Variants in SLC4A7 observed in about 807,000 individuals in gnomAD.
SLC4A7 encodes sodium bicarbonate cotransporter 3.
Under a neutral mutation model 137.6 loss-of-function variants are expected in SLC4A7, and 51 were observed. The observed-to-expected ratio is 0.37, with a 90% CI of 0.30 to 0.47. SLC4A7 has a LOEUF of 0.47. Among genes scored for constraint, SLC4A7 ranks in the 20% least tolerant of loss-of-function variants. The pLI, the probability that SLC4A7 is intolerant of heterozygous loss-of-function variation, is 1.00. For missense variants in SLC4A7, 1,247 were observed against 1,525.4 expected (o/e 0.82, Z 3.04); for synonymous variants, 542 against 518.6 (o/e 1.05, Z -0.61).
At chr3:27,447,791 TAACA>T (rs1239737535) in intron 3 of SLC4A7, among the ~76,000 whole-genome samples, 4 of 151,960 alleles carry the variant, frequency 2.6e-5, no homozygotes, top group Non-Finnish European at 4.4e-5. Context: ...TGCTTTCAAG[TAACA>T]AACAAAAAAA....
intron 11 of SLC4A7, among the ~76,000 whole-genome samples, chr3:27,416,617 T>G (rs2054409620): frequency 6.6e-6 from 1 of 152,202 alleles, no homozygotes; most frequent in African/African-American, 2.4e-5. Context: ...CAATGTTTAT[T>G]GAAAAACTCC....
At chr3:27,478,528 A>C (rs886624724) in intron 1 of SLC4A7, among the ~76,000 whole-genome samples, 12 of 151,844 alleles carry the variant, frequency 7.9e-5, no homozygotes, top group African/African-American at 2.9e-4. Flanking sequence ...AAAAAAAAAA[A>C]AACCCAACAA....
intron 3 of SLC4A7, among the ~76,000 whole-genome samples, chr3:27,445,142 G>A (rs1162298954): frequency 1.3e-5 from 2 of 152,174 alleles, no homozygotes; most frequent in African/African-American, 4.8e-5. Context: ...AGTACAGAAA[G>A]TGCTTAGCCT....
chr3:27,482,098 G>A (rs1439456837), intron 1 of SLC4A7, among the ~76,000 whole-genome samples: 1 of 152,084 alleles, frequency 6.6e-6, no homozygotes, highest in East Asian at 1.9e-4. Flanking sequence ...AGGCCATTGC[G>A]CTCCAGCCTG....
intron 22 of SLC4A7, among the ~76,000 whole-genome samples, chr3:27,386,473 C>T (rs1056360483): frequency 5.3e-5 from 8 of 152,194 alleles, no homozygotes; most frequent in Non-Finnish European, 1.0e-4. Context: ...CTTTAATTTG[C>T]TTTAACTGCT....
chr3:27,413,380 C>T (rs1240673826), intron 11 of SLC4A7, among the ~76,000 whole-genome samples: 1 of 152,158 alleles, frequency 6.6e-6, no homozygotes, highest in African/African-American at 2.4e-5. Context: ...CCATTTAAAA[C>T]TGTTTAACAA....
intron 17 of SLC4A7, 70 bp downstream of exon 17, chr3:27,398,122 G>C: frequency 8.9e-7 from 1 of 1,122,444 alleles, no homozygotes; most frequent in Non-Finnish European, 1.3e-6. Flanking sequence ...TTACTGTTTT[G>C]AAATAAACCA....
intron 7 of SLC4A7, among the ~76,000 whole-genome samples, chr3:27,428,888 T>G (rs190061815): frequency 6.6e-6 from 1 of 152,308 alleles, no homozygotes; most frequent in Admixed American, 6.5e-5. Context: ...AATATATTTA[T>G]TTTATATTAG....
At chr3:27,441,949 G>A (rs971823185) in intron 3 of SLC4A7, among the ~76,000 whole-genome samples, 9 of 151,414 alleles carry the variant, frequency 5.9e-5, no homozygotes, top group African/African-American at 2.2e-4. Flanking sequence ...AGGCTGGAGT[G>A]CAGTGACACG....
At chr3:27,478,751 G>A (rs2059579265) in intron 1 of SLC4A7, among the ~76,000 whole-genome samples, 1 of 151,350 alleles carries the variant, frequency 6.6e-6, no homozygotes, top group African/African-American at 2.4e-5. Context: ...ACTTTGGGAG[G>A]CCGTGGCAGG....
intron 3 of SLC4A7, among the ~76,000 whole-genome samples, chr3:27,446,875 G>GT (rs59612875): frequency 0.51 from 45,731 of 90,550 alleles, 8,666 homozygotes; most frequent in East Asian, 0.78. Context: ...GTTTTTTTTT[G>GT]TTTTTTTTTG....
rs757822125 is a variant in SLC4A7, at chr3:27,431,407, A to C, written c.1041T>G (p.Pro347=). The C allele has an allele frequency of 5.0e-6, 8 of 1,613,956 alleles. 1 individual carries two copies. In the East Asian group the frequency reaches 6.7e-5, roughly 13 times the overall value. Reference sequence around the variant, plus strand: ...CTACTGTGGGAATATCATCACTGGCAGGTGAAACCAGTAGTTCTGGGGCCT... The same window carrying C: ...CTACTGTGGGAATATCATCACTGGCCGGTGAAACCAGTAGTTCTGGGGCCT... The part of the protein sequence containing the change: ...QRQAPELLVS[P]ASDDIPTVVI... The change falls in exon 7 of 26, where the codon CCT becomes CCG. Residue 347 remains proline (P), a synonymous_variant. Transcript: ENST00000454389.
chr3:27,438,102 C>T (rs1470911204), intron 3 of SLC4A7, among the ~76,000 whole-genome samples: 2 of 151,296 alleles, frequency 1.3e-5, no homozygotes, highest in Non-Finnish European at 2.9e-5. Flanking sequence ...GAGGCTGAGG[C>T]AGGAGAATCG....
chr3:27,388,940 AAT>A (rs757379419), intron 22 of SLC4A7, among the ~76,000 whole-genome samples: 21,612 of 150,854 alleles, frequency 0.14, 2,104 homozygotes, highest in Non-Finnish European at 0.22. Flanking sequence ...TAGATATTCA[AAT>A]TTATTGATAT....
intron 10 of SLC4A7, among the ~76,000 whole-genome samples, chr3:27,420,315 T>C (rs1203046918): frequency 1.1e-4 from 16 of 152,024 alleles, no homozygotes; most frequent in Admixed American, 9.8e-4. Flanking sequence ...AGGTCCTGAT[T>C]AGTATGTAGG....
chr3:27,408,547 TTTGG>T (rs2053603376), intron 13 of SLC4A7, among the ~76,000 whole-genome samples: 1 of 152,216 alleles, frequency 6.6e-6, no homozygotes, highest in Non-Finnish European at 1.5e-5. Context: ...ATGCCTTAGC[TTTGG>T]TTATTTTTTA....
chr3:27,464,367 G>C (rs1343848769), intron 1 of SLC4A7, among the ~76,000 whole-genome samples: 5 of 152,088 alleles, frequency 3.3e-5, no homozygotes, highest in Non-Finnish European at 7.4e-5. Context: ...AAAGATAACT[G>C]ATAATTCATT....
At chr3:27,472,281 T>TA (rs1297808471) in intron 1 of SLC4A7, among the ~76,000 whole-genome samples, 2 of 152,196 alleles carry the variant, frequency 1.3e-5, no homozygotes, top group Non-Finnish European at 2.9e-5. Context: ...TATTAAATTT[T>TA]AAAATGTCTT....
At chr3:27,461,179 G>A (rs1387268816) in intron 1 of SLC4A7, among the ~76,000 whole-genome samples, 1 of 150,214 alleles carries the variant, frequency 6.7e-6, no homozygotes, top group Non-Finnish European at 1.5e-5. Context: ...ATGTGACAGT[G>A]TACCTAGAAT....
Sources: allele counts gnomAD v4.1 joint callset (sites outside exome capture counted in the v4.1 genomes callset), GRCh38; gene constraint gnomAD v4.1.1; transcripts MANE v1.5; gene names NCBI Gene and HGNC (gene_info 2026-07-23, HGNC 2026-07-21).